Variants in MPDZ observed in about 807,000 individuals in gnomAD.
MPDZ encodes the protein multiple PDZ domain protein.
MPDZ carries 234 observed loss-of-function variants against 239.1 expected under a neutral mutation model. The ratio of observed to expected loss-of-function variants is 0.98; its 90% CI spans 0.88 to 1.09. The LOEUF is 1.09. MPDZ is among the 50% of genes least tolerant of loss of function. MPDZ has a pLI of 0.00. For synonymous variants in MPDZ, 1,048 were observed against 881.3 expected, an observed-to-expected ratio of 1.19 and a Z score of -3.35; for missense variants, 3,175 against 2,510.0, an observed-to-expected ratio of 1.26 and a Z score of -5.66.
At chr9:13,114,542 T>A (rs939781099) in intron 40 of MPDZ, among the ~76,000 whole-genome samples, 1 of 152,212 alleles carries the variant, frequency 6.6e-6, no homozygotes, top group Non-Finnish European at 1.5e-5. Flanking sequence ...TGAGTATCTA[T>A]AGTTCACTTA....
In MPDZ at chr9:13,222,408, A is replaced by G; in HGVS notation, c.572T>C (p.Ile191Thr). The G allele has an allele frequency of 1.2e-6, 2 of 1,612,606 alleles. No individual in the cohort carries two copies. Among genetic ancestry groups the G allele is most frequent in the Non-Finnish European group, 1.7e-6 (2 of 1,179,168 alleles). ...TGTCTGATCAAGAGCCTGTCCATTG[A>G]TAGCAAGAATTTGATCAGTTTCTTT... is the stretch of plus-strand genomic sequence containing the variant. ...RLKETDQILA[I>T]NGQALDQTIT... The change falls in exon 6 of 47, where the codon ATC becomes ACC. Residue 191 changes from isoleucine to threonine, a missense_variant. Ile to Thr is a moderately conservative substitution (Grantham distance 89, BLOSUM62 -1). Coordinates refer to ENST00000319217, the MANE Select transcript of MPDZ (RefSeq NM_001378778.1).
Position 13,217,231 on chromosome 9 carries a change from C to T in MPDZ, c.1150G>A (p.Val384Ile), listed in dbSNP as rs1448715244. Reference protein sequence around the residue: ...ETFDVELTKNVQGLGITIAGY... With the variant: ...ETFDVELTKNIQGLGITIAGY... ...GCAATGGTAATTCCTAATCCTTGGACATTTTTAGTGAGTTCTACATCAAAT... is the reference window on the plus strand; with the variant it reads ...GCAATGGTAATTCCTAATCCTTGGATATTTTTAGTGAGTTCTACATCAAAT... The change falls in exon 9 of 47, where the codon GTC (valine) becomes ATC (isoleucine). Residue 384 changes from valine (V) to isoleucine (I), a missense_variant. Physicochemically the swap from Val to Ile is conservative, Grantham distance 29 (BLOSUM62 3). Coordinates refer to ENST00000319217, the MANE Select transcript of MPDZ (RefSeq NM_001378778.1). 2 of 1,604,284 alleles carry T rather than the reference C, an allele frequency of 1.2e-6. No homozygotes were observed. The highest frequency in any genetic ancestry group is 1.7e-6 in the Non-Finnish European group (2 of 1,175,400).
At chr9:13,117,380 A>C (rs1943628909) in intron 39 of MPDZ, among the ~76,000 whole-genome samples, 1 of 152,058 alleles carries the variant, frequency 6.6e-6, no homozygotes, top group African/African-American at 2.4e-5. Flanking sequence ...AAATACAAAA[A>C]ATTAGCTGGG....
chr9:13,133,499 G>A (rs1946305278), intron 32 of MPDZ, among the ~76,000 whole-genome samples: 2 of 152,088 alleles, frequency 1.3e-5, no homozygotes, highest in East Asian at 3.8e-4. Context: ...CCTTAGTGAA[G>A]GAATCAATGG....
intron 22 of MPDZ, among the ~76,000 whole-genome samples, chr9:13,166,805 G>T (rs1229823623): frequency 1.3e-5 from 2 of 152,052 alleles, no homozygotes; most frequent in African/African-American, 2.4e-5. Context: ...ACAAAAAAAT[G>T]AGGAAAGGGG....
chr9:13,106,726 T>C lies in MPDZ; in HGVS notation c.*239A>G. On this transcript the variant is annotated 3_prime_UTR_variant, in exon 47 of 47. Coordinates refer to ENST00000319217, the MANE Select transcript of MPDZ (RefSeq NM_001378778.1). ...ATATCTCCACAAATAAAAACGAGAT[T>C]CACCTACACAAATATTCCTTCTCTT... The C allele has an allele frequency of 2.3e-6, 1 of 434,740 alleles. No homozygotes were observed. Among genetic ancestry groups the C allele is most frequent in the East Asian group, 3.3e-5 (1 of 30,282 alleles). 26.9% of individuals were successfully genotyped at this position (434,740 alleles called of 1,614,324 possible). A position where few individuals can be genotyped will look rare whatever the true frequency, so the allele number is the denominator to read the frequency against.
chr9:13,264,705 T>G (rs1588203068), intron 1 of MPDZ, among the ~76,000 whole-genome samples: 2 of 151,814 alleles, frequency 1.3e-5, no homozygotes, highest in Non-Finnish European at 2.9e-5. Context: ...GAACTATGGA[T>G]TCTAACACCT....
At chr9:13,158,186 A>G in intron 23 of MPDZ, 76 bp from the exon 24 acceptor site, 1 of 1,114,740 alleles carries the variant, frequency 9.0e-7, no homozygotes, top group Admixed American at 2.0e-5. Flanking sequence ...TCTACTATTG[A>G]TTTAGCTAAA....
chr9:13,243,770 T>C (rs1236102956), intron 3 of MPDZ, among the ~76,000 whole-genome samples: 1 of 152,238 alleles, frequency 6.6e-6, no homozygotes, highest in Non-Finnish European at 1.5e-5. Flanking sequence ...GCATACACAT[T>C]ACGCATCTAG....
intron 22 of MPDZ, among the ~76,000 whole-genome samples, chr9:13,163,820 A>G (rs1254333266): frequency 6.6e-6 from 1 of 152,096 alleles, no homozygotes; most frequent in Admixed American, 6.5e-5. Context: ...TAATAAAATA[A>G]AAATTTATAC....
intron 5 of MPDZ, 90 bp from the exon 6 acceptor site, chr9:13,222,536 A>T: frequency 9.6e-7 from 1 of 1,039,290 alleles, no homozygotes; most frequent in Non-Finnish European, 1.4e-6. Flanking sequence ...AGTCATTTTT[A>T]ATCCTATTTT....
intron 19 of MPDZ, among the ~76,000 whole-genome samples, chr9:13,179,215 A>C (rs889006333): frequency 4.6e-5 from 7 of 152,154 alleles, no homozygotes; most frequent in Admixed American, 6.6e-5. Flanking sequence ...CAGGATCTAA[A>C]CAATAACCTG....
intron 12 of MPDZ, among the ~76,000 whole-genome samples, chr9:13,203,738 A>C (rs1173808712): frequency 6.9e-6 from 1 of 145,820 alleles, no homozygotes; most frequent in East Asian, 2.0e-4. Context: ...CCACACACAC[A>C]CACACACACA....
At chr9:13,216,991 A>C (rs1454223439) in intron 9 of MPDZ, 129 bp from the exon 10 acceptor site, 10 of 798,504 alleles carry the variant, frequency 1.3e-5, no homozygotes, top group African/African-American at 5.2e-5. Context: ...CACAGGCTAA[A>C]GAATAAGATA....
At position 13,113,026 on chromosome 9, in the gene MPDZ, T is replaced by G. The variant is rs1942757789; in HGVS notation, c.5586A>C (p.Thr1862=). Residue 1862 remains threonine (T), a synonymous_variant, in exon 42 of 47, where the codon ACA becomes ACC. Coordinates refer to ENST00000319217, the MANE Select transcript of MPDZ (RefSeq NM_001378778.1). ...CCCAAGTTACCTTTTTCATTTCGACTGTTCTTAATCCCTGTATTTCAGATG... is the reference window on the plus strand; with the variant it reads ...CCCAAGTTACCTTTTTCATTTCGACGGTTCTTAATCCCTGTATTTCAGATG... ...ALASEIQGLR[T]VEMKKGPTDS... 1.9e-6 allele frequency: 3 copies of G among 1,586,136 alleles called. No individual in the cohort carries two copies.
Position 13,162,672 on chromosome 9 carries a change from G to C in MPDZ, c.3359+19C>G. The C allele has an allele frequency of 2.0e-6, 3 of 1,519,710 alleles. No homozygotes were observed. The highest frequency in any genetic ancestry group is 2.7e-6 in the Non-Finnish European group (3 of 1,096,846). The allele number at this position is 1,519,710 out of a possible 1,614,324, so 94.1% of individuals were successfully genotyped here. A position where few individuals can be genotyped will look rare whatever the true frequency, so the allele number is the denominator to read the frequency against. Reference sequence around the variant, plus strand: ...ACTTGCTGTACCATTCATTGTATTAGATTTAATGTTTCACTTACCTGCCAG... The same window carrying C: ...ACTTGCTGTACCATTCATTGTATTACATTTAATGTTTCACTTACCTGCCAG... On this transcript the variant is annotated intron_variant, in intron 23 of 46. Coordinates refer to ENST00000319217, the MANE Select transcript of MPDZ (RefSeq NM_001378778.1).
chr9:13,180,711 C>T (rs187736645), intron 19 of MPDZ, among the ~76,000 whole-genome samples: 7 of 152,104 alleles, frequency 4.6e-5, no homozygotes, highest in African/African-American at 9.7e-5. Context: ...AGGAAAAACA[C>T]GGCTAGAGCC....
intron 14 of MPDZ, among the ~76,000 whole-genome samples, chr9:13,192,723 T>C (rs1466533199): frequency 6.6e-6 from 1 of 152,152 alleles, no homozygotes; most frequent in Non-Finnish European, 1.5e-5. Context: ...ATTCAAACTT[T>C]CTTGTTTATG....
At chr9:13,207,357 TC>T (rs1395887121) in intron 10 of MPDZ, among the ~76,000 whole-genome samples, 1 of 152,086 alleles carries the variant, frequency 6.6e-6, no homozygotes, top group Non-Finnish European at 1.5e-5. Context: ...TGCCAACTGC[TC>T]CCACCTCCCA....
Sources: allele counts gnomAD v4.1 joint callset (sites outside exome capture counted in the v4.1 genomes callset), GRCh38; gene constraint gnomAD v4.1.1; transcripts MANE v1.5; gene names NCBI Gene and HGNC (gene_info 2026-07-23, HGNC 2026-07-21).